The following ICOS variants were observed in gnomAD, a reference collection of about 807,000 sequenced individuals.
ICOS encodes inducible T-cell costimulator.
ICOS carries 15 observed loss-of-function variants against 24.6 expected under a neutral mutation model. The ratio of observed to expected loss-of-function variants is 0.61; its 90% CI spans 0.41 to 0.94. ICOS has a LOEUF of 0.94. ICOS is among the 40% of genes least tolerant of loss of function. The pLI is 0.00. For missense variants in ICOS, 200 were observed against 233.0 expected (o/e 0.86, Z 0.92); for synonymous variants, 89 against 77.5 (o/e 1.15, Z -0.78).
rs373267572 is a variant in ICOS, at chr2:203,939,085, G to A, written c.58+2213G>A. 2.0e-5 allele frequency among the ~76,000 whole-genome samples: 3 copies of A among 152,288 alleles called. No individual in the cohort carries two copies. The East Asian group carries it at 5.8e-4, about 29-fold the overall frequency. On this transcript the variant is annotated intron_variant, in intron 1 of 4. Coordinates refer to ENST00000316386, the MANE Select transcript of ICOS (RefSeq NM_012092.4). Reference sequence around the variant, plus strand: ...GGCTTTCTCATGCCATGAAGATGTAGGCATTCTTACCTTTAGTCAGTGTTT... The same window carrying A: ...GGCTTTCTCATGCCATGAAGATGTAAGCATTCTTACCTTTAGTCAGTGTTT...
intron 1 of ICOS, among the ~76,000 whole-genome samples, chr2:203,954,172 C>G (rs1473659407): frequency 6.6e-6 from 1 of 152,138 alleles, no homozygotes; most frequent in East Asian, 1.9e-4. Context: ...AATTTATAGT[C>G]TAATAACTCA....
chr2:203,944,066 G>C lies in ICOS; in HGVS notation c.58+7194G>C, dbSNP rs202185283. On this transcript the variant is annotated intron_variant, in intron 1 of 4. Transcript: ENST00000316386. The stretch of plus-strand genomic sequence containing the variant: ...CTTGAAAACTTGCCTGAGGCTTTCT[G>C]CCTCCCAGCTGTGAAAGAAAAGGGC... Among the ~76,000 whole-genome samples, 8 of 152,268 alleles carry C rather than the reference G, an allele frequency of 5.3e-5. No individual in the cohort carries two copies. The East Asian group carries it at 1.5e-3, about 29-fold the overall frequency.
chr2:203,944,749 A>C (rs1689840336), intron 1 of ICOS, among the ~76,000 whole-genome samples: 1 of 152,206 alleles, frequency 6.6e-6, no homozygotes, highest in South Asian at 2.1e-4. Context: ...ATGATCCAAG[A>C]TGCTATGTGC....
chr2:203,948,628 A>T (rs893805961), intron 1 of ICOS, among the ~76,000 whole-genome samples: 22 of 152,240 alleles, frequency 1.4e-4, no homozygotes, highest in Non-Finnish European at 8.8e-5. Flanking sequence ...CTTAGAGTGG[A>T]GTAGCCAGAC....
intron 1 of ICOS, among the ~76,000 whole-genome samples, chr2:203,952,588 T>G (rs866368823): frequency 6.6e-6 from 1 of 152,162 alleles, no homozygotes. Context: ...TCTAACTAAT[T>G]TTTCCAACCT....
At chr2:203,938,429 T>C (rs1689702985) in intron 1 of ICOS, among the ~76,000 whole-genome samples, 1 of 152,176 alleles carries the variant, frequency 6.6e-6, no homozygotes, top group African/African-American at 2.4e-5. Context: ...CAGATGTGCC[T>C]GAGCACAAAG....
chr2:203,952,804 T>C (rs911936219), intron 1 of ICOS, among the ~76,000 whole-genome samples: 1 of 152,196 alleles, frequency 6.6e-6, no homozygotes. Context: ...TTACTTTATT[T>C]TGGGGACCTG....
At chr2:203,957,159 G>T (rs1690091542) in intron 3 of ICOS, among the ~76,000 whole-genome samples, 1 of 152,192 alleles carries the variant, frequency 6.6e-6, no homozygotes, top group Non-Finnish European at 1.5e-5. Flanking sequence ...GAGAGGCAGG[G>T]CAGAGATGAA....
rs996840094 is a variant in ICOS at position 203,955,939 on chromosome 2, T to C, written c.362T>C (p.Val121Ala). Reference protein sequence around the residue: ...LSIFDPPPFKVTLTGGYLHIY... With the variant: ...LSIFDPPPFKATLTGGYLHIY... ...ATTTTTGATCCTCCTCCTTTTAAAG[T>C]AACTCTTACAGGAGGATATTTGCAT... The change falls in exon 2 of 5, where the codon GTA becomes GCA. Residue 121 changes from valine (V) to alanine (A), a missense_variant. By Grantham distance (64) the Val-to-Ala change is moderately conservative (BLOSUM62 0). Transcript: ENST00000316386. 1 of 1,611,932 alleles carries C rather than the reference T, an allele frequency of 6.2e-7. No individual in the cohort carries two copies. The highest frequency in any genetic ancestry group is 8.5e-7 in the Non-Finnish European group (1 of 1,178,352).
At chr2:203,955,382 A>T (rs1477984517) in intron 1 of ICOS, among the ~76,000 whole-genome samples, 3 of 152,116 alleles carry the variant, frequency 2.0e-5, no homozygotes, top group Non-Finnish European at 4.4e-5. Context: ...CTATGTAAAT[A>T]TATTATTTAA....
intron 1 of ICOS, among the ~76,000 whole-genome samples, chr2:203,952,475 G>A (rs1006088476): frequency 5.3e-5 from 8 of 152,012 alleles, no homozygotes; most frequent in Non-Finnish European, 1.2e-4. Context: ...CTTTTCTCTG[G>A]CTGCTTTTAG....
rs550656794 is a variant in ICOS, at chr2:203,941,115, A to AT, written c.58+4251dup. 2.4e-3 allele frequency among the ~76,000 whole-genome samples: 368 copies of AT among 152,000 alleles called. 1 individual carries two copies. Among genetic ancestry groups the AT allele is most frequent in the South Asian group, 0.021 (101 of 4,812 alleles). On this transcript the variant is annotated intron_variant, in intron 1 of 4. Coordinates refer to ENST00000316386, the MANE Select transcript of ICOS (RefSeq NM_012092.4). ...CCCGCTGTTCTATTAATTTATTATT[A>AT]TTTTTTTTAAGACTGGGTGAAAGTT...
chr2:203,951,765 A>G (rs1689978794), intron 1 of ICOS, among the ~76,000 whole-genome samples: 1 of 152,244 alleles, frequency 6.6e-6, no homozygotes, highest in Non-Finnish European at 1.5e-5. Flanking sequence ...ACATTTCTAA[A>G]GGAACTGAGA....
chr2:203,943,492 A>G (rs1470082659), intron 1 of ICOS, among the ~76,000 whole-genome samples: 1 of 152,082 alleles, frequency 6.6e-6, no homozygotes, highest in Non-Finnish European at 1.5e-5. Context: ...GTCTGCACAG[A>G]TTCCTGTGAT....
At chr2:203,952,943 A>G (rs895512876) in intron 1 of ICOS, among the ~76,000 whole-genome samples, 1 of 152,038 alleles carries the variant, frequency 6.6e-6, no homozygotes, top group Admixed American at 6.6e-5. Flanking sequence ...TTTGTATGAA[A>G]TTTTTTGAGG....
At position 203,945,450 on chromosome 2, in the gene ICOS, G is replaced by A. The variant is rs541649258; in HGVS notation, c.58+8578G>A. On this transcript the variant is annotated intron_variant, in intron 1 of 4. Transcript: ENST00000316386. Reference sequence around the variant, plus strand: ...GGATTTGGTGAATGAATACAGTCACGTGCCACTTGACGATGGGAATACATT... The same window carrying A: ...GGATTTGGTGAATGAATACAGTCACATGCCACTTGACGATGGGAATACATT... Among the ~76,000 whole-genome samples the A allele has an allele frequency of 2.6e-5, 4 of 152,248 alleles. No homozygotes were observed. The East Asian group carries it at 5.8e-4, about 22-fold the overall frequency.
chr2:203,957,275 A>C (rs1201688939), intron 3 of ICOS, among the ~76,000 whole-genome samples: 1 of 152,180 alleles, frequency 6.6e-6, no homozygotes, highest in African/African-American at 2.4e-5. Context: ...ACTTTTTTAC[A>C]TGGTAGGTTA....
Position 203,957,930 on chromosome 2 carries a change from G to C in ICOS, c.586+47G>C, listed in dbSNP as rs1396687627. The stretch of plus-strand genomic sequence containing the variant: ...TGGGAAGGGAAGAGGTTTCTTCACA[G>C]TAAGCCTGGAATGTTAATTTTTTTT... On this transcript the variant is annotated intron_variant, in intron 4 of 4. Transcript: ENST00000316386. 3 of 1,152,560 alleles carry C rather than the reference G, an allele frequency of 2.6e-6. No individual in the cohort carries two copies. The South Asian group carries it at 3.8e-5, about 14-fold the overall frequency. The allele number at this position is 1,152,560 out of a possible 1,614,324, so 71.4% of individuals were successfully genotyped here. A position where few individuals can be genotyped will look rare whatever the true frequency, so the allele number is the denominator to read the frequency against.
chr2:203,946,562 G>A (rs1198849570), intron 1 of ICOS, among the ~76,000 whole-genome samples: 2 of 151,986 alleles, frequency 1.3e-5, no homozygotes, highest in African/African-American at 2.4e-5. Context: ...TAGAAATGAT[G>A]CATATATAAA....
Sources: gnomAD v4.1 joint callset for allele counts (sites outside exome capture counted in the v4.1 genomes callset) on GRCh38, gnomAD v4.1.1 for gene constraint, MANE v1.5 for transcripts, NCBI Gene and HGNC (gene_info 2026-07-23, HGNC 2026-07-21) for gene names.